The following PAQR9 variants were observed in gnomAD, a reference collection of about 807,000 sequenced individuals.
PAQR9 encodes the protein membrane progestin receptor epsilon.
PAQR9 carries 12 observed loss-of-function variants against 24.0 expected under a neutral mutation model. The ratio of observed to expected loss-of-function variants is 0.50; its 90% CI spans 0.32 to 0.81. The LOEUF (loss-of-function observed/expected upper bound fraction) is 0.81. Ranked by LOEUF, PAQR9 falls within the 30% of genes least tolerant of loss-of-function variation. PAQR9 has a pLI of 0.03. For missense variants in PAQR9, 418 were observed against 520.8 expected, an observed-to-expected ratio of 0.80 and a Z score of 1.92; for synonymous variants, 266 against 237.6, an observed-to-expected ratio of 1.12 and a Z score of -1.10.
rs561104344 is a variant in PAQR9 at position 142,963,615 on chromosome 3, C to A, written c.-279G>T. 8.6e-4 allele frequency: 659 copies of A among 767,202 alleles called. 7 individuals are homozygous for A. The African/African-American group carries it at 0.012, about 14-fold the overall frequency. The allele number at this position is 767,202 out of a possible 1,614,324, so 47.5% of individuals were successfully genotyped here. A position where few individuals can be genotyped will look rare whatever the true frequency, so the allele number is the denominator to read the frequency against. ...GCCCCTGCTACCGGCGCGCGGCCGC[C>A]CGCGCTGCGGCAGCGGCGGCGGCGC... On this transcript the variant is annotated 5_prime_UTR_variant, in exon 1 of 1. Coordinates refer to ENST00000340634, the MANE Select transcript of PAQR9 (RefSeq NM_198504.4).
chr3:142,958,189 C>A lies in PAQR9; in HGVS notation c.*4014G>T, dbSNP rs1465949194. Among the ~76,000 whole-genome samples, 1 of 152,180 alleles carries A rather than the reference C, an allele frequency of 6.6e-6. No individual in the cohort carries two copies. The highest frequency in any genetic ancestry group is 1.5e-5 in the Non-Finnish European group (1 of 68,028). On this transcript the variant is annotated 3_prime_UTR_variant, in exon 1 of 1. Transcript: ENST00000340634. ...AGTTGAAGAACAAGATGGTAACAACCATTTTAAGTGGCTGATAACATTTTG... is the reference window on the plus strand; with the variant it reads ...AGTTGAAGAACAAGATGGTAACAACAATTTTAAGTGGCTGATAACATTTTG...
At position 142,956,611 on chromosome 3, in the gene PAQR9, A is replaced by G. The variant is rs1934793876; in HGVS notation, c.*5592T>C. Among the ~76,000 whole-genome samples, 1 of 152,220 alleles carries G rather than the reference A, an allele frequency of 6.6e-6. No homozygotes were observed. The highest frequency in any genetic ancestry group is 2.4e-5 in the African/African-American group (1 of 41,460). On this transcript the variant is annotated 3_prime_UTR_variant, in exon 1 of 1. Coordinates refer to ENST00000340634, the MANE Select transcript of PAQR9 (RefSeq NM_198504.4). The stretch of plus-strand genomic sequence containing the variant: ...TGTGCATACTGTTGCATATAGGTAT[A>G]TGTTCAGAGCTTTCAAAAGTCACAT...
chr3:142,952,664 C>G (rs1449269998), downstream of PAQR9: 1 of 424,454 alleles, frequency 2.4e-6, no homozygotes, highest in Non-Finnish European at 4.8e-6. Context: ...TTGTTTGGCC[C>G]CACTCTATGT....
In PAQR9 at chr3:142,958,807, C is replaced by T. The variant is rs1441715893; in HGVS notation, c.*3396G>A. On this transcript the variant is annotated 3_prime_UTR_variant, in exon 1 of 1. Transcript: ENST00000340634. ...AGTGTATGGCTAGTGGAAAAGTTCACATTTATTTTTACAAGCCAGTCATGA... is the reference window on the plus strand; with the variant it reads ...AGTGTATGGCTAGTGGAAAAGTTCATATTTATTTTTACAAGCCAGTCATGA... Among the ~76,000 whole-genome samples, 2 of 152,176 alleles carry T rather than the reference C, an allele frequency of 1.3e-5. No individual in the cohort carries two copies. The highest frequency in any genetic ancestry group is 4.8e-5 in the African/African-American group (2 of 41,426).
chr3:142,962,681 A>G lies in PAQR9; in HGVS notation c.656T>C (p.Val219Ala), dbSNP rs1270402756. ...YRALVLPVAF[V>A]LAVACTVACC... Reference sequence around the variant, plus strand: ...GGCCACAGTGCAAGCCACCGCCAGCACGAAGGCCACAGGCAGCACCAGGGC... The same window carrying G: ...GGCCACAGTGCAAGCCACCGCCAGCGCGAAGGCCACAGGCAGCACCAGGGC... Residue 219 changes from valine to alanine, a missense_variant, in exon 1 of 1, where the codon GTG becomes GCG. Physicochemically the swap from Val to Ala is moderately conservative, Grantham distance 64. This residue lies in a region of PAQR9 where 230 missense variants were observed against 305.2 expected (regional missense o/e 0.75). Transcript: ENST00000340634. 6.2e-7 allele frequency: 1 copy of G among 1,612,518 alleles called. No individual in the cohort carries two copies. Among genetic ancestry groups the G allele is most frequent in the Non-Finnish European group, 8.5e-7 (1 of 1,179,598 alleles).
downstream of PAQR9, among the ~76,000 whole-genome samples, chr3:142,951,007 A>G (rs1175092743): frequency 6.6e-6 from 1 of 152,238 alleles, no homozygotes; most frequent in African/African-American, 2.4e-5. Flanking sequence ...TTTATATATG[A>G]ACATTATATA....
At position 142,962,174 on chromosome 3, in the gene PAQR9, G is replaced by T; in HGVS notation, c.*29C>A. The T allele has an allele frequency of 6.3e-7, 1 of 1,594,548 alleles. No individual in the cohort carries two copies. The highest frequency in any genetic ancestry group is 8.6e-7 in the Non-Finnish European group (1 of 1,168,272). On this transcript the variant is annotated 3_prime_UTR_variant, in exon 1 of 1. Coordinates refer to ENST00000340634, the MANE Select transcript of PAQR9 (RefSeq NM_198504.4). ...CAACAGAAACTCCAAACAGATGGGC[G>T]AACCAGTAGTCTCCTCCAAGGCGGA...
chr3:142,963,889 C>T, upstream of PAQR9: 1 of 985,294 alleles, frequency 1.0e-6, no homozygotes, highest in Non-Finnish European at 1.2e-6. Flanking sequence ...CGGGCCGCCC[C>T]GTTAATGATT....
In PAQR9 at chr3:142,955,308, C is replaced by T. The variant is rs552068535; in HGVS notation, c.*6895G>A. ...CAGATGGTTGGAGAAGGCCTAAATA[C>T]ACATGGAATCCTTTTAGAAATCTTT... On this transcript the variant is annotated 3_prime_UTR_variant, in exon 1 of 1. Transcript: ENST00000340634. Among the ~76,000 whole-genome samples, 2 of 152,024 alleles carry T rather than the reference C, an allele frequency of 1.3e-5. No individual in the cohort carries two copies. The highest frequency in any genetic ancestry group is 4.8e-5 in the African/African-American group (2 of 41,458).
chr3:142,949,300 C>T (rs1349212887), exon 3 of PAQR9: 1 of 152,156 alleles, frequency 6.6e-6, no homozygotes, highest in Non-Finnish European at 1.5e-5. Flanking sequence ...ATCCTACCCT[C>T]AAAACAGATA....
At position 142,957,261 on chromosome 3, in the gene PAQR9, C is replaced by G. The variant is rs1437118991; in HGVS notation, c.*4942G>C. Among the ~76,000 whole-genome samples, 1 of 152,228 alleles carries G rather than the reference C, an allele frequency of 6.6e-6. No individual in the cohort carries two copies. Among genetic ancestry groups the G allele is most frequent in the Admixed American group, 6.5e-5 (1 of 15,284 alleles). Reference sequence around the variant, plus strand: ...ACAAACAGAATTCCTTGCCTGTCTACTCGAACACTAACACCCTGGGAGTTC... The same window carrying G: ...ACAAACAGAATTCCTTGCCTGTCTAGTCGAACACTAACACCCTGGGAGTTC... On this transcript the variant is annotated 3_prime_UTR_variant, in exon 1 of 1. Coordinates refer to ENST00000340634, the MANE Select transcript of PAQR9 (RefSeq NM_198504.4).
chr3:142,951,440 C>A, downstream of PAQR9: 1 of 233,816 alleles, frequency 4.3e-6, no homozygotes, highest in Non-Finnish European at 8.5e-6. Context: ...ATTCAAGGCC[C>A]AGTAGACTAC....
At position 142,962,298 on chromosome 3, in the gene PAQR9, A is replaced by G. The variant is rs1432497063; in HGVS notation, c.1039T>C (p.Ser347Pro). The change falls in exon 1 of 1, where the codon TCG becomes CCG. Residue 347 changes from serine (S) to proline (P), a missense_variant. Physicochemically the swap from Ser to Pro is moderately conservative, Grantham distance 74 (BLOSUM62 -1). Around this residue, in one of 3 missense-constraint regions of PAQR9, gnomAD observed 230 missense variants for 305.2 expected, o/e 0.75. Transcript: ENST00000340634. Reference protein sequence around the residue: ...LQAPPAAPTFSGTVGYMLLLV... With the variant: ...LQAPPAAPTFPGTVGYMLLLV... ...AGCAGCATGTAGCCCACAGTACCCG[A>G]GAAAGTGGGTGCGGCAGGCGGCGCC... 6.2e-7 allele frequency: 1 copy of G among 1,614,146 alleles called. No homozygotes were observed. Among genetic ancestry groups the G allele is most frequent in the East Asian group, 2.2e-5 (1 of 44,878 alleles).
Position 142,963,311 on chromosome 3 carries a change from C to T in PAQR9, c.26G>A (p.Gly9Asp). The change falls in exon 1 of 1, where the codon GGC becomes GAC. Residue 9 changes from glycine (G) to aspartate (D), a missense_variant. Physicochemically the swap from Gly to Asp is moderately conservative, Grantham distance 94. Transcript: ENST00000340634. Reference sequence around the variant, plus strand: ...GGCCGGAGGGCCTTTTGTGCCCGCGCCCCGGGGCTGCAGGCGCCGCGGCAT... The same window carrying T: ...GGCCGGAGGGCCTTTTGTGCCCGCGTCCCGGGGCTGCAGGCGCCGCGGCAT... MPRRLQPR[G>D]AGTKGPPAPA... The T allele has an allele frequency of 3.6e-6, 5 of 1,401,996 alleles. No individual in the cohort carries two copies. Among genetic ancestry groups the T allele is most frequent in the Non-Finnish European group, 4.6e-6 (5 of 1,086,342 alleles). 86.8% of individuals were successfully genotyped at this position (1,401,996 alleles called of 1,614,324 possible). A position where few individuals can be genotyped will look rare whatever the true frequency, so the allele number is the denominator to read the frequency against.
rs530019902 is a variant in PAQR9 at position 142,957,641 on chromosome 3, A to C, written c.*4562T>G. 1.4e-4 allele frequency among the ~76,000 whole-genome samples: 21 copies of C among 152,346 alleles called. No homozygotes were observed. The highest frequency in any genetic ancestry group is 7.2e-4 in the Admixed American group (11 of 15,298). Reference sequence around the variant, plus strand: ...CATCTCAATTTAGGCACTTTGGATGATCCACTCTTCATAATAGTATGAATA... The same window carrying C: ...CATCTCAATTTAGGCACTTTGGATGCTCCACTCTTCATAATAGTATGAATA... On this transcript the variant is annotated 3_prime_UTR_variant, in exon 1 of 1. Coordinates refer to ENST00000340634, the MANE Select transcript of PAQR9 (RefSeq NM_198504.4).
At position 142,956,813 on chromosome 3, in the gene PAQR9, A is replaced by G. The variant is rs1172861833; in HGVS notation, c.*5390T>C. On this transcript the variant is annotated 3_prime_UTR_variant, in exon 1 of 1. Transcript: ENST00000340634. The stretch of plus-strand genomic sequence containing the variant: ...TACAGTTATCCTTTTTTAAATGACA[A>G]CAACAGAAATTTATATTAGCTTTTG... 2.6e-5 allele frequency among the ~76,000 whole-genome samples: 4 copies of G among 152,346 alleles called. No homozygotes were observed. In the South Asian group the frequency reaches 8.3e-4, roughly 32 times the overall value.
rs780423312 is a variant in PAQR9, at chr3:142,962,620, C to T, written c.717G>A (p.Pro239=). The T allele has an allele frequency of 1.2e-6, 2 of 1,612,782 alleles. No individual in the cohort carries two copies. The highest frequency in any genetic ancestry group is 1.1e-5 in the South Asian group (1 of 90,842). ...CGAAGACGAAGGTGCGCAGCGCGAA[C>T]GGGTAGGTACACCAGTCGGTACGGC... ...CKSRTDWCTY[P]FALRTFVFVM... Residue 239 remains proline, a synonymous_variant, in exon 1 of 1, where the codon CCG becomes CCA. Transcript: ENST00000340634.
chr3:142,963,207 G>A lies in PAQR9; in HGVS notation c.130C>T (p.Leu44=). ...TCGGGCACCTCGTCCCAGCGCAGCA[G>A]CGGCTTGGCAGACGCTGGGGGGTCC... The part of the protein sequence containing the change: ...SRDPPASAKP[L]LRWDEVPDDF... The change falls in exon 1 of 1, where the codon CTG becomes TTG. Residue 44 remains leucine, a synonymous_variant. Transcript: ENST00000340634. The A allele has an allele frequency of 6.4e-7, 1 of 1,571,082 alleles. No homozygotes were observed. The highest frequency in any genetic ancestry group is 8.6e-7 in the Non-Finnish European group (1 of 1,158,858).
At chr3:142,950,379 T>A (rs1382598135), downstream of PAQR9, 1 of 196,196 alleles carries the variant, frequency 5.1e-6, no homozygotes, top group African/African-American at 2.3e-5. Context: ...GTTATGTCTC[T>A]CCAATTTTGG....
Sources: allele counts gnomAD v4.1 joint callset (sites outside exome capture counted in the v4.1 genomes callset), GRCh38; gene constraint gnomAD v4.1.1; regional missense constraint gnomAD v4.1.1; transcripts MANE v1.5; gene names NCBI Gene and HGNC (gene_info 2026-07-23, HGNC 2026-07-21).